Variants in PAN3 observed in about 807,000 individuals in gnomAD.
PAN3 encodes the protein poly(A) specific ribonuclease subunit PAN3.
Under a neutral mutation model 96.2 loss-of-function variants are expected in PAN3, and 19 were observed. That is an observed-to-expected ratio of 0.20 (90% CI 0.14 to 0.29). The LOEUF (loss-of-function observed/expected upper bound fraction) is 0.29, where lower values mean the gene tolerates loss of function less well. PAN3 is among the 10% of genes least tolerant of loss of function. The pLI is 1.00. For missense variants in PAN3, 882 were observed against 1,108.1 expected, an observed-to-expected ratio of 0.80 and a Z score of 2.90; for synonymous variants, 433 against 406.6, an observed-to-expected ratio of 1.06 and a Z score of -0.78.
chr13:28,264,280 T>C (rs527596857), intron 9 of PAN3, among the ~76,000 whole-genome samples: 48 of 152,368 alleles, frequency 3.2e-4, no homozygotes, highest in African/African-American at 1.1e-3. Flanking sequence ...GGCTCACACC[T>C]GTAATCCCAG....
Position 28,176,534 on chromosome 13 carries a change from C to T in PAN3, c.594C>T (p.Asp198=), listed in dbSNP as rs1875028738. 1 of 1,613,974 alleles carries T rather than the reference C, an allele frequency of 6.2e-7. No homozygotes were observed. The highest frequency in any genetic ancestry group is 8.5e-7 in the Non-Finnish European group (1 of 1,179,896). Residue 198 remains aspartate (D), a synonymous_variant, in exon 3 of 19, where the codon GAC becomes GAT. Coordinates refer to ENST00000380958, the MANE Select transcript of PAN3 (RefSeq NM_175854.8). ...GCAGCTCCCCAAGCCTTCTAAATGA[C>T]AGTGCCAAGCCATATTCAGCCCATG... ...NSSSSPSLLN[D]SAKPYSAHDP... is the part of the protein sequence containing the mutation.
intron 1 of PAN3, among the ~76,000 whole-genome samples, chr13:28,143,023 G>T (rs1870070781): frequency 6.6e-6 from 1 of 152,202 alleles, no homozygotes; most frequent in South Asian, 2.1e-4. Context: ...TTGGAAAACT[G>T]AAGCACAAAG....
At chr13:28,205,820 G>A (rs1351774671) in intron 5 of PAN3, among the ~76,000 whole-genome samples, 1 of 148,934 alleles carries the variant, frequency 6.7e-6, no homozygotes, top group African/African-American at 2.5e-5. Context: ...GCGTGACAGA[G>A]CAAGACCCTC....
Position 28,138,843 on chromosome 13 carries a change from G to A in PAN3, c.186G>A (p.Glu62=), listed in dbSNP as rs1315341542. 1.4e-6 allele frequency: 2 copies of A among 1,424,644 alleles called. No individual in the cohort carries two copies. The highest frequency in any genetic ancestry group is 1.5e-5 in the African/African-American group (1 of 67,124). 88.3% of individuals were successfully genotyped at this position (1,424,644 alleles called of 1,614,324 possible). A position where few individuals can be genotyped will look rare whatever the true frequency, so the allele number is the denominator to read the frequency against. Residue 62 remains glutamate (E), a synonymous_variant, in exon 1 of 19, where the codon GAG becomes GAA. Coordinates refer to ENST00000380958, the MANE Select transcript of PAN3 (RefSeq NM_175854.8). Reference sequence around the variant, plus strand: ...AGGATAAGACTTGCTTCTACGGGGAGGAGTGTCAGTTCCTGCATGAGGACC... The same window carrying A: ...AGGATAAGACTTGCTTCTACGGGGAAGAGTGTCAGTTCCTGCATGAGGACC... ...YAKDKTCFYG[E]ECQFLHEDPA...
At chr13:28,271,007 G>A in intron 13 of PAN3, 141 bp downstream of exon 13, 2 of 911,854 alleles carry the variant, frequency 2.2e-6, no homozygotes, top group Admixed American at 3.1e-5. Context: ...TCATTTGTAA[G>A]CTTTTTAAAG....
chr13:28,139,192 C>T (rs938267961), intron 1 of PAN3, 105 bp downstream of exon 1: 9 of 1,190,338 alleles, frequency 7.6e-6, no homozygotes, highest in African/African-American at 3.2e-5. Flanking sequence ...GGGCTCCCCC[C>T]CTCACCTCCC....
intron 7 of PAN3, among the ~76,000 whole-genome samples, chr13:28,258,944 T>C (rs942382011): frequency 1.3e-5 from 2 of 152,186 alleles, no homozygotes; most frequent in African/African-American, 4.8e-5. Context: ...TTGTATTACT[T>C]CTCATTTGTT....
intron 6 of PAN3, among the ~76,000 whole-genome samples, chr13:28,235,696 TACACACAC>T (rs34812975): frequency 7.1e-6 from 1 of 140,630 alleles, no homozygotes; most frequent in African/African-American, 2.7e-5. Flanking sequence ...CACACACACA[TACACACAC>T]ACACACACAC....
chr13:28,246,755 A>G (rs536765007), intron 6 of PAN3, among the ~76,000 whole-genome samples: 1 of 152,242 alleles, frequency 6.6e-6, no homozygotes, highest in African/African-American at 2.4e-5. Flanking sequence ...AAATGACAGG[A>G]TGTCATTTTT....
chr13:28,267,228 T>G lies in PAN3; in HGVS notation c.1690+17T>G. The G allele has an allele frequency of 1.2e-6, 2 of 1,611,936 alleles. No homozygotes were observed. The highest frequency in any genetic ancestry group is 1.7e-6 in the Non-Finnish European group (2 of 1,178,086). On this transcript the variant is annotated intron_variant, in intron 11 of 18. Transcript: ENST00000380958. ...CTGAGCCCTGTGAGTAACTTGTAAT[T>G]TGTCTTTCTGCTGGTGAGCTTCATT...
At chr13:28,230,652 A>G (rs1202953604) in intron 6 of PAN3, among the ~76,000 whole-genome samples, 4 of 152,222 alleles carry the variant, frequency 2.6e-5, no homozygotes, top group Admixed American at 6.5e-5. Context: ...CTGGAGATCA[A>G]CTTTAATTTT....
chr13:28,235,576 G>C (rs546882231), intron 6 of PAN3, among the ~76,000 whole-genome samples: 70 of 151,874 alleles, frequency 4.6e-4, no homozygotes, highest in African/African-American at 1.7e-3. Flanking sequence ...TCATTTTCTT[G>C]GAAGTCATAG....
chr13:28,256,537 A>T lies in PAN3; in HGVS notation c.1246A>T (p.Met416Leu). ...CACAACTCCAGCACCTTTGACTGGA[A>T]TGGTATGTCTACATTAAAGAGGAAA... ...TDTTPAPLTG[M>L]VFPNYHIYPP... The change falls in exon 7 of 19, where the codon ATG (methionine) becomes TTG (leucine). Residue 416 changes from methionine to leucine, a missense_variant and splice_region_variant. By Grantham distance (15) the Met-to-Leu change is conservative. Around this residue, in one of 3 missense-constraint regions of PAN3, gnomAD observed 364 missense variants for 513.6 expected, o/e 0.71. Coordinates refer to ENST00000380958, the MANE Select transcript of PAN3 (RefSeq NM_175854.8). 2 of 1,612,828 alleles carry T rather than the reference A, an allele frequency of 1.2e-6. No individual in the cohort carries two copies. Among genetic ancestry groups the T allele is most frequent in the Non-Finnish European group, 1.7e-6 (2 of 1,179,406 alleles).
chr13:28,198,726 T>C (rs1056307508), intron 5 of PAN3, among the ~76,000 whole-genome samples: 3 of 152,208 alleles, frequency 2.0e-5, no homozygotes, highest in Admixed American at 1.3e-4. Flanking sequence ...GCATTTAAAA[T>C]ATATCCCAAG....
intron 1 of PAN3, among the ~76,000 whole-genome samples, chr13:28,145,053 T>A (rs1870446372): frequency 6.6e-6 from 1 of 152,106 alleles, no homozygotes; most frequent in Admixed American, 6.5e-5. Flanking sequence ...TTGAGGAATT[T>A]TTCCCCCAAT....
intron 17 of PAN3, among the ~76,000 whole-genome samples, chr13:28,283,434 TAA>T (rs1593634739): frequency 6.6e-6 from 1 of 152,204 alleles, no homozygotes; most frequent in Admixed American, 6.5e-5. Flanking sequence ...GTGAAAACTG[TAA>T]AAGTCTCTCT....
chr13:28,183,285 A>G (rs1876038928), intron 4 of PAN3, among the ~76,000 whole-genome samples: 1 of 152,206 alleles, frequency 6.6e-6, no homozygotes, highest in Admixed American at 6.5e-5. Flanking sequence ...TCAAAGAAAT[A>G]ATGTTTTACT....
chr13:28,221,995 A>G (rs1403340403), intron 6 of PAN3, among the ~76,000 whole-genome samples: 1 of 152,230 alleles, frequency 6.6e-6, no homozygotes, highest in Non-Finnish European at 1.5e-5. Flanking sequence ...AATGGGATCC[A>G]TATAGCAATC....
intron 6 of PAN3, among the ~76,000 whole-genome samples, chr13:28,235,682 T>TACACACACACACACACACACAC (rs143752644): frequency 1.4e-4 from 17 of 123,478 alleles, no homozygotes; most frequent in African/African-American, 5.2e-4. Flanking sequence ...TTCTCTAATA[T>TACACACACACACACACACACAC]ACACACACAC....
Sources: allele counts gnomAD v4.1 joint callset (sites outside exome capture counted in the v4.1 genomes callset), GRCh38; gene constraint gnomAD v4.1.1; regional missense constraint gnomAD v4.1.1; transcripts MANE v1.5; gene names NCBI Gene and HGNC (gene_info 2026-07-23, HGNC 2026-07-21).